The following PAM variants were observed in gnomAD, a reference collection of about 807,000 sequenced individuals.
PAM encodes the protein peptidylglycine alpha-amidating monooxygenase.
A neutral mutation model predicts 122.1 loss-of-function variants in PAM; 72 were observed. The ratio of observed to expected loss-of-function variants is 0.59; its 90% CI spans 0.49 to 0.72. The LOEUF (loss-of-function observed/expected upper bound fraction) is 0.72, where lower values mean the gene tolerates loss of function less well. PAM is among the 30% of genes least tolerant of loss of function. The pLI, the probability that PAM is intolerant of heterozygous loss-of-function variation, is 0.00. For missense variants in PAM, 1,106 were observed against 1,183.7 expected (o/e 0.93, Z 0.96); for synonymous variants, 389 against 404.4 (o/e 0.96, Z 0.46).
chr5:102,910,404 G>C (rs1435348315), intron 4 of PAM, among the ~76,000 whole-genome samples: 1 of 151,898 alleles, frequency 6.6e-6, no homozygotes, highest in East Asian at 1.9e-4. Flanking sequence ...TGCTTTCAGT[G>C]TCATCAGATT....
chr5:103,019,148 G>T (rs895765245), intron 22 of PAM, among the ~76,000 whole-genome samples: 1 of 151,474 alleles, frequency 6.6e-6, no homozygotes, highest in African/African-American at 2.4e-5. Flanking sequence ...TACGGGGGGG[G>T]ACTGTTACAA....
chr5:102,885,680 T>C lies in PAM; in HGVS notation c.211-15676T>C, dbSNP rs570253812. ...GAGGAAATTAAGTACCTGCCCTAAA[T>C]AGTTTATAGTCAAGAGCAAAAAATT... is the stretch of plus-strand genomic sequence containing the variant. On this transcript the variant is annotated intron_variant, in intron 3 of 25. Coordinates refer to ENST00000438793, the MANE Select transcript of PAM (RefSeq NM_001177306.2). Among the ~76,000 whole-genome samples the C allele has an allele frequency of 1.3e-4, 20 of 152,126 alleles. No homozygotes were observed. In the South Asian group the frequency reaches 3.9e-3, roughly 30 times the overall value.
chr5:102,981,183 C>T (rs1387270349), intron 15 of PAM, among the ~76,000 whole-genome samples: 2 of 152,172 alleles, frequency 1.3e-5, no homozygotes, highest in Non-Finnish European at 2.9e-5. Flanking sequence ...TGAGATCATT[C>T]ATAGCCAGAT....
chr5:102,826,314 T>A (rs1047554018), intron 1 of PAM, among the ~76,000 whole-genome samples: 11 of 152,222 alleles, frequency 7.2e-5, no homozygotes, highest in Admixed American at 3.3e-4. Flanking sequence ...ACAGATAGTT[T>A]CTGCTCTGTA....
At chr5:102,907,775 G>C (rs888728402) in intron 4 of PAM, among the ~76,000 whole-genome samples, 2 of 152,086 alleles carry the variant, frequency 1.3e-5, no homozygotes, top group Non-Finnish European at 2.9e-5. Context: ...GTCTTCTTTT[G>C]AGAAGTGTCT....
At chr5:102,757,277 A>C (rs1334482161) in intron 1 of PAM, among the ~76,000 whole-genome samples, 1 of 152,074 alleles carries the variant, frequency 6.6e-6, no homozygotes, top group African/African-American at 2.4e-5. Context: ...CAGTGAGCTG[A>C]GATCACTCCA....
chr5:102,758,089 T>G (rs1368406251), intron 1 of PAM, among the ~76,000 whole-genome samples: 8 of 122,974 alleles, frequency 6.5e-5, no homozygotes, highest in African/African-American at 1.0e-4. Flanking sequence ...TTTTTTTTTT[T>G]TTTTTTTTTT....
At chr5:102,940,159 CACACAT>C (rs1303974059) in intron 7 of PAM, among the ~76,000 whole-genome samples, 12 of 151,062 alleles carry the variant, frequency 7.9e-5, no homozygotes, top group African/African-American at 2.0e-4. Flanking sequence ...CATACACACA[CACACAT>C]ATATATGAAA....
intron 1 of PAM, among the ~76,000 whole-genome samples, chr5:102,801,979 C>T (rs1162385511): frequency 2.0e-5 from 3 of 150,660 alleles, no homozygotes; most frequent in South Asian, 2.1e-4. Context: ...GGGGTTTCAC[C>T]GTGTTAGCCA....
chr5:102,901,874 G>A (rs1798033235), intron 4 of PAM, among the ~76,000 whole-genome samples: 1 of 151,500 alleles, frequency 6.6e-6, no homozygotes, highest in Admixed American at 6.6e-5. Flanking sequence ...GATGAGAAGG[G>A]AAAGGAGAGC....
chr5:102,983,775 A>G (rs1770768020), intron 15 of PAM, among the ~76,000 whole-genome samples: 1 of 152,202 alleles, frequency 6.6e-6, no homozygotes, highest in Non-Finnish European at 1.5e-5. Flanking sequence ...ACTAAATTCT[A>G]AAAACATCAA....
At chr5:102,966,764 G>A (rs1055773164) in intron 14 of PAM, among the ~76,000 whole-genome samples, 7 of 151,916 alleles carry the variant, frequency 4.6e-5, no homozygotes, top group African/African-American at 1.7e-4. Flanking sequence ...GACATATTTT[G>A]TCAGTGGCTA....
At chr5:102,881,818 G>T (rs1441445123) in intron 3 of PAM, among the ~76,000 whole-genome samples, 1 of 150,978 alleles carries the variant, frequency 6.6e-6, no homozygotes, top group Non-Finnish European at 1.5e-5. Flanking sequence ...TGTACCCAGT[G>T]TGTAGTCTTT....
At chr5:102,834,297 AT>A (rs1269032973) in intron 1 of PAM, among the ~76,000 whole-genome samples, 10 of 152,194 alleles carry the variant, frequency 6.6e-5, no homozygotes, top group Non-Finnish European at 1.2e-4. Flanking sequence ...TTATAATATT[AT>A]AGTTTACAGG....
At chr5:102,853,255 T>A (rs551228753) in intron 1 of PAM, among the ~76,000 whole-genome samples, 22 of 152,360 alleles carry the variant, frequency 1.4e-4, no homozygotes, top group Non-Finnish European at 2.8e-4. Flanking sequence ...TATTCCTGAT[T>A]AGTGAAGCAT....
intron 1 of PAM, among the ~76,000 whole-genome samples, chr5:102,836,626 C>T (rs1373634770): frequency 6.6e-6 from 1 of 152,070 alleles, no homozygotes; most frequent in Non-Finnish European, 1.5e-5. Flanking sequence ...TTATGGTTCT[C>T]TGTTCCTCTC....
chr5:102,759,510 G>T (rs1386249915), intron 1 of PAM, among the ~76,000 whole-genome samples: 1 of 152,198 alleles, frequency 6.6e-6, no homozygotes, highest in Non-Finnish European at 1.5e-5. Context: ...TTGGGATGCA[G>T]GCCAAGTGTT....
At chr5:102,837,704 C>G (rs1362364541) in intron 1 of PAM, 2 of 152,134 alleles carry the variant, frequency 1.3e-5, no homozygotes, top group African/African-American at 4.8e-5. Flanking sequence ...GATGCTGAAC[C>G]ATACTTAGAA....
rs115701295 is a variant in PAM, at chr5:102,898,573, A to C, written c.211-2783A>C. On this transcript the variant is annotated intron_variant, in intron 3 of 25. Coordinates refer to ENST00000438793, the MANE Select transcript of PAM (RefSeq NM_001177306.2). ...TCAAATAACTTTGCAGAAACAAAATAGTGACAAAATTAAATGGCTGTGGCT... is the reference window on the plus strand; with the variant it reads ...TCAAATAACTTTGCAGAAACAAAATCGTGACAAAATTAAATGGCTGTGGCT... Among the ~76,000 whole-genome samples the C allele has an allele frequency of 4.0e-3, 610 of 151,806 alleles. 3 individuals carry two copies. The highest frequency in any genetic ancestry group is 0.014 in the African/African-American group (573 of 41,498).
Sources: allele counts gnomAD v4.1 joint callset (sites outside exome capture counted in the v4.1 genomes callset), GRCh38; gene constraint gnomAD v4.1.1; transcripts MANE v1.5; gene names NCBI Gene and HGNC (gene_info 2026-07-23, HGNC 2026-07-21).